COA1: variants seen among roughly 807,000 people sequenced by gnomAD.
COA1 encodes the protein cytochrome c oxidase assembly factor 1.
COA1 carries 13 observed loss-of-function variants against 16.0 expected under a neutral mutation model. That is an observed-to-expected ratio of 0.81 (90% confidence interval 0.53 to 1.29). COA1 has a LOEUF of 1.29. COA1 is among the 50% of genes most tolerant of loss of function. COA1 has a pLI of 0.00. For missense variants in COA1, 179 were observed against 177.0 expected (o/e 1.01, Z -0.06); for synonymous variants, 65 against 65.7 (o/e 0.99, Z 0.05).
chr7:43,618,397 G>A (rs1174919607), intron 6 of COA1, among the ~76,000 whole-genome samples: 2 of 152,154 alleles, frequency 1.3e-5, no homozygotes, highest in Non-Finnish European at 2.9e-5. Context: ...GGGAGTAGCT[G>A]TGTTATTTAG....
chr7:43,628,898 G>GTTTTT (rs1259868481), intron 6 of COA1, among the ~76,000 whole-genome samples: 2 of 152,160 alleles, frequency 1.3e-5, no homozygotes, highest in African/African-American at 4.8e-5. Context: ...TTGTTTTATA[G>GTTTTT]TTAATGCTTT....
At chr7:43,648,318 G>A (rs2089999903) in intron 2 of COA1, 1 of 546,008 alleles carries the variant, frequency 1.8e-6, no homozygotes, top group Admixed American at 3.1e-5. Flanking sequence ...GTCAGATCTT[G>A]CTTAATTTGA....
chr7:43,648,684 A>G (rs1449354949), intron 1 of COA1, 32 bp from the exon 2 acceptor site: 20 of 1,531,972 alleles, frequency 1.3e-5, no homozygotes, highest in Admixed American at 1.7e-5. Context: ...CATTAAAATC[A>G]TATTTTTAAA....
chr7:43,673,929 T>C (rs2093391693), intron 1 of COA1, among the ~76,000 whole-genome samples: 3 of 151,928 alleles, frequency 2.0e-5, no homozygotes, highest in Non-Finnish European at 1.5e-5. Flanking sequence ...CTCTTCTAAG[T>C]AGGAGCTAAA....
At chr7:43,657,071 C>T (rs1162760331) in intron 1 of COA1, 2 of 151,972 alleles carry the variant, frequency 1.3e-5, no homozygotes, top group African/African-American at 2.4e-5. Flanking sequence ...TTAAAAAAAA[C>T]AGTCAAGAAC....
At chr7:43,614,480 T>C (rs532677958) in intron 6 of COA1, among the ~76,000 whole-genome samples, 7 of 152,360 alleles carry the variant, frequency 4.6e-5, no homozygotes, top group Non-Finnish European at 7.3e-5. Context: ...TCAGGACATG[T>C]ATTTCGGCTT....
chr7:43,669,191 G>A (rs1182322737), intron 1 of COA1, among the ~76,000 whole-genome samples: 1 of 152,150 alleles, frequency 6.6e-6, no homozygotes, highest in Non-Finnish European at 1.5e-5. Context: ...GAGCAGTTAT[G>A]GTGACATCTC....
chr7:43,624,633 G>T, intron 6 of COA1: 1 of 1,614,058 alleles, frequency 6.2e-7, no homozygotes, highest in Non-Finnish European at 8.5e-7. Context: ...CCTCCAAGAA[G>T]GTCATTCTGT....
At chr7:43,664,743 T>C (rs1195837972) in intron 1 of COA1, among the ~76,000 whole-genome samples, 2 of 152,116 alleles carry the variant, frequency 1.3e-5, no homozygotes, top group Non-Finnish European at 2.9e-5. Context: ...TGAGATACTG[T>C]CTCTAAAAAC....
rs1554550150 is a variant in COA1 at position 43,700,591 on chromosome 7, C to CTTGT, written c.-39+28837_-39+28838insACAA. Among the ~76,000 whole-genome samples the CTTGT allele has an allele frequency of 2.1e-5, 3 of 144,962 alleles. No individual in the cohort carries two copies. The Admixed American group carries it at 2.1e-4, about 10-fold the overall frequency. On this transcript the variant is annotated intron_variant, in intron 1 of 5. Coordinates refer to ENST00000223336, the MANE Select transcript of COA1 (RefSeq NM_018224.4). ...GTACACATATATACGTGTATATATA[C>CTTGT]GTGTGTGTGTGTGTGTGTGTGTGTG... is the stretch of plus-strand genomic sequence containing the variant.
At chr7:43,667,771 CAG>C (rs1307236606) in intron 1 of COA1, among the ~76,000 whole-genome samples, 1 of 152,224 alleles carries the variant, frequency 6.6e-6, no homozygotes, top group African/African-American at 2.4e-5. Context: ...GGACTGGACT[CAG>C]AAAGTTAAAG....
chr7:43,634,520 C>CA (rs2085546869), downstream of COA1, among the ~76,000 whole-genome samples: 1 of 152,178 alleles, frequency 6.6e-6, no homozygotes, highest in African/African-American at 2.4e-5. Context: ...TCTAAGCTCC[C>CA]AACATGGCCT....
chr7:43,661,634 C>T, intron 1 of COA1, among the ~76,000 whole-genome samples: 1 of 86,922 alleles, frequency 1.2e-5, no homozygotes, highest in Non-Finnish European at 2.2e-5. Flanking sequence ...GAGACTCCAT[C>T]TCAAAAAAAA....
At chr7:43,639,739 A>G (rs1584155021) in intron 5 of COA1, 58 bp from the exon 6 acceptor site, 1 of 1,344,266 alleles carries the variant, frequency 7.4e-7, no homozygotes, top group East Asian at 2.3e-5. Context: ...CAACAGCCGT[A>G]GTCAAAAAAA....
At chr7:43,696,936 A>C (rs2094547025) in intron 1 of COA1, among the ~76,000 whole-genome samples, 1 of 152,128 alleles carries the variant, frequency 6.6e-6, no homozygotes, top group Admixed American at 6.5e-5. Context: ...CATCCTGGCC[A>C]AAATGGTGAA....
At chr7:43,634,405 C>G (rs917939618), downstream of COA1, among the ~76,000 whole-genome samples, 3 of 152,182 alleles carry the variant, frequency 2.0e-5, no homozygotes, top group Non-Finnish European at 2.9e-5. Flanking sequence ...CCTTTGAATA[C>G]AGGCAGGGGG....
At chr7:43,715,402 C>T (rs535046485) in intron 1 of COA1, among the ~76,000 whole-genome samples, 7 of 151,672 alleles carry the variant, frequency 4.6e-5, no homozygotes, top group African/African-American at 7.3e-5. Flanking sequence ...GGCGTGAACC[C>T]GGGAGGCAGA....
At chr7:43,652,269 G>A (rs1413775703) in intron 1 of COA1, among the ~76,000 whole-genome samples, 1 of 152,154 alleles carries the variant, frequency 6.6e-6, no homozygotes, top group Admixed American at 6.5e-5. Context: ...CTAAATCAGC[G>A]CTTTGCCAAG....
At chr7:43,691,365 G>A (rs59439325) in intron 1 of COA1, among the ~76,000 whole-genome samples, 1,007 of 32,480 alleles carry the variant, frequency 0.031, 32 homozygotes, top group Middle Eastern at 0.061. Flanking sequence ...GGGAGGGAGG[G>A]AGGGAGGGAG....
Sources: allele counts gnomAD v4.1 joint callset (sites outside exome capture counted in the v4.1 genomes callset), GRCh38; gene constraint gnomAD v4.1.1; transcripts MANE v1.5; gene names NCBI Gene and HGNC (gene_info 2026-07-23, HGNC 2026-07-21).